Variants in SLCO3A1 observed in about 807,000 individuals in gnomAD.
SLCO3A1 encodes the protein PGE1 transporter.
SLCO3A1 carries 27 observed loss-of-function variants against 63.1 expected under a neutral mutation model. The ratio of observed to expected loss-of-function variants is 0.43; its 90% CI spans 0.32 to 0.59. SLCO3A1 has a LOEUF of 0.59. Among genes scored for constraint, SLCO3A1 ranks in the 20% least tolerant of loss-of-function variants. The probability of loss-of-function intolerance (pLI) is 0.09; values close to 1 mark genes in which losing one functional copy is unlikely to be tolerated. For synonymous variants in SLCO3A1, 473 were observed against 409.9 expected (o/e 1.15, Z -1.86); for missense variants, 773 against 945.8 (o/e 0.82, Z 2.40).
rs761298257 is a variant in SLCO3A1, at chr15:92,033,160, G to A, written c.647-61721G>A. 6.6e-6 allele frequency among the ~76,000 whole-genome samples: 1 copy of A among 152,184 alleles called. No homozygotes were observed. The highest frequency in any genetic ancestry group is 2.4e-5 in the African/African-American group (1 of 41,442). ...GTAAAAAAAACAAAAGAACTCCATG[G>A]ATGGGGCATTGTTTTTCCATTCTGG... On this transcript the variant is annotated intron_variant, in intron 2 of 9. Coordinates refer to ENST00000318445, the MANE Select transcript of SLCO3A1 (RefSeq NM_013272.4). The surrounding 1 kb of genome is among the most constrained non-coding windows in gnomAD (Gnocchi z 4.5).
At chr15:92,080,264 A>C (rs761294473) in intron 2 of SLCO3A1, among the ~76,000 whole-genome samples, 2 of 152,136 alleles carry the variant, frequency 1.3e-5, no homozygotes, top group Admixed American at 6.5e-5. Flanking sequence ...TTTACAGTTC[A>C]ACACACACGG....
At chr15:91,960,249 C>A (rs1249198428) in intron 2 of SLCO3A1, among the ~76,000 whole-genome samples, 2 of 152,204 alleles carry the variant, frequency 1.3e-5, no homozygotes, top group Non-Finnish European at 2.9e-5. Context: ...TCCCAGAGTG[C>A]TGAGATTACA....
chr15:92,077,424 C>T (rs1173074852), intron 2 of SLCO3A1, among the ~76,000 whole-genome samples: 3 of 152,212 alleles, frequency 2.0e-5, no homozygotes. Context: ...CCCGCCGTGT[C>T]CTCCTACAGG....
intron 8 of SLCO3A1, 143 bp downstream of exon 8, chr15:92,147,302 C>CTGAT (rs2048240095): frequency 2.6e-6 from 2 of 757,870 alleles, no homozygotes; most frequent in Non-Finnish European, 4.2e-6. Flanking sequence ...CTTCTCTAGG[C>CTGAT]TGATAGGAAT....
intron 4 of SLCO3A1, among the ~76,000 whole-genome samples, chr15:92,113,492 G>A (rs1335941634): frequency 6.6e-6 from 1 of 152,174 alleles, no homozygotes; most frequent in Non-Finnish European, 1.5e-5. Flanking sequence ...AAGCCACAAG[G>A]TGCAAAGGAA....
intron 7 of SLCO3A1, among the ~76,000 whole-genome samples, chr15:92,145,140 G>A (rs2048204060): frequency 6.6e-6 from 1 of 152,148 alleles, no homozygotes. Flanking sequence ...ATGCATGGTG[G>A]GCCTGGGATA....
At chr15:91,871,590 G>A (rs1897279255) in intron 1 of SLCO3A1, among the ~76,000 whole-genome samples, 1 of 152,128 alleles carries the variant, frequency 6.6e-6, no homozygotes, top group African/African-American at 2.4e-5. Flanking sequence ...TTTTCTAGAT[G>A]TGGTGATATT....
intron 2 of SLCO3A1, among the ~76,000 whole-genome samples, chr15:91,975,101 G>A (rs1901047744): frequency 6.6e-6 from 1 of 152,186 alleles, no homozygotes; most frequent in African/African-American, 2.4e-5. Context: ...TGCCTGGAAT[G>A]GTGCCTAGAA....
At chr15:92,000,252 C>A (rs764326219) in intron 2 of SLCO3A1, among the ~76,000 whole-genome samples, 1 of 152,034 alleles carries the variant, frequency 6.6e-6, no homozygotes, top group African/African-American at 2.4e-5. Context: ...TGTATACATA[C>A]AAGCACACCC....
chr15:92,169,435 A>G (rs2048510031), downstream of SLCO3A1, among the ~76,000 whole-genome samples: 4 of 152,214 alleles, frequency 2.6e-5, no homozygotes. Flanking sequence ...GGGGCCCCAC[A>G]TGCTCCCACG....
rs184549095 is a variant in SLCO3A1 at position 91,983,929 on chromosome 15, G to A, written c.646+67471G>A. On this transcript the variant is annotated intron_variant, in intron 2 of 9. Transcript: ENST00000318445. Reference sequence around the variant, plus strand: ...TGCCATCTATTGTACAGTTGAATCCGTCTATGGTAACTAGGCTAATCAATC... The same window carrying A: ...TGCCATCTATTGTACAGTTGAATCCATCTATGGTAACTAGGCTAATCAATC... 3.0e-3 allele frequency among the ~76,000 whole-genome samples: 463 copies of A among 152,246 alleles called. 2 individuals are homozygous for A. Among genetic ancestry groups the A allele is most frequent in the Non-Finnish European group, 4.1e-3 (276 of 68,022 alleles).
intron 2 of SLCO3A1, among the ~76,000 whole-genome samples, chr15:91,931,007 A>G (rs1461065404): frequency 6.6e-6 from 1 of 152,244 alleles, no homozygotes; most frequent in Non-Finnish European, 1.5e-5. Context: ...GAAGGGCAAA[A>G]TGAAATGAAA....
chr15:91,975,169 A>C (rs1196440854), intron 2 of SLCO3A1, among the ~76,000 whole-genome samples: 1 of 152,224 alleles, frequency 6.6e-6, no homozygotes, highest in Non-Finnish European at 1.5e-5. Context: ...TAGGGAAGGC[A>C]GAGGAAAGGG....
At position 92,117,137 on chromosome 15, in the gene SLCO3A1, G is replaced by A. The variant is rs577159748; in HGVS notation, c.1010-3328G>A. 2.7e-3 allele frequency among the ~76,000 whole-genome samples: 414 copies of A among 152,316 alleles called. 6 individuals are homozygous for A. The highest frequency in any genetic ancestry group is 0.01 in the Middle Eastern group (3 of 294). On this transcript the variant is annotated intron_variant, in intron 4 of 9. Transcript: ENST00000318445. The stretch of plus-strand genomic sequence containing the variant: ...AAGTATAAAAGCATTCCATTAACCG[G>A]AGTTGCCTTTGTTGAACAGTGCCTT...
intron 2 of SLCO3A1, among the ~76,000 whole-genome samples, chr15:92,064,826 G>A (rs1217230757): frequency 6.6e-6 from 1 of 152,160 alleles, no homozygotes; most frequent in Non-Finnish European, 1.5e-5. Context: ...CTGATTTCAT[G>A]GAGGGAGAGA....
At chr15:91,943,696 CATT>C (rs1225498836) in intron 2 of SLCO3A1, among the ~76,000 whole-genome samples, 2 of 152,276 alleles carry the variant, frequency 1.3e-5, no homozygotes, top group African/African-American at 2.4e-5. Flanking sequence ...TTTCATGTCT[CATT>C]GTTGATAAAA....
intron 2 of SLCO3A1, among the ~76,000 whole-genome samples, chr15:91,918,085 C>T (rs1045720354): frequency 8.3e-5 from 12 of 143,930 alleles, no homozygotes; most frequent in Admixed American, 4.1e-4. Context: ...TCACTGAACC[C>T]TCTTCTGGAA....
intron 1 of SLCO3A1, among the ~76,000 whole-genome samples, chr15:91,871,025 C>T (rs1049856636): frequency 2.0e-5 from 3 of 152,122 alleles, no homozygotes; most frequent in Non-Finnish European, 4.4e-5. Context: ...GTCTTTGACA[C>T]CTACTGTTGC....
At chr15:92,092,120 G>A (rs1011592884) in intron 2 of SLCO3A1, among the ~76,000 whole-genome samples, 1 of 152,172 alleles carries the variant, frequency 6.6e-6, no homozygotes, top group Non-Finnish European at 1.5e-5. Flanking sequence ...GACCCCAATT[G>A]TGCTATGATG....
Sources: gnomAD v4.1 joint callset for allele counts (sites outside exome capture counted in the v4.1 genomes callset) on GRCh38, gnomAD v4.1.1 for gene constraint, Gnocchi (gnomAD v3.1) non-coding constraint, MANE v1.5 for transcripts, NCBI Gene and HGNC (gene_info 2026-07-23, HGNC 2026-07-21) for gene names.